Variants in LASP1 observed in about 807,000 individuals in gnomAD.
LASP1 encodes LIM and SH3 domain protein 1.
LASP1 carries 10 observed loss-of-function variants against 38.6 expected under a neutral mutation model. The observed-to-expected ratio is 0.26, with a 90% CI of 0.16 to 0.44. The LOEUF is 0.44. LASP1 is among the 20% of genes least tolerant of loss of function. LASP1 has a pLI of 1.00. For synonymous variants in LASP1, 132 were observed against 140.8 expected, an observed-to-expected ratio of 0.94 and a Z score of 0.44; for missense variants, 243 against 375.7, an observed-to-expected ratio of 0.65 and a Z score of 2.92.
Position 38,898,415 on chromosome 17 carries a change from C to T in LASP1, c.253C>T (p.Arg85Cys), listed in dbSNP as rs950459854. Residue 85 changes from arginine to cysteine, a missense_variant, in exon 4 of 7, where the codon CGC becomes TGC. Arg to Cys is a radical substitution (Grantham distance 180). Transcript: ENST00000318008. ...KQQSELQSQV[R>C]YKEEFEKNKG... ...CCCTCTTCCTCCCCTCCTGCAGGTG[C>T]GCTACAAGGAGGAGTTTGAGAAGAA... 3 of 1,544,982 alleles carry T rather than the reference C, an allele frequency of 1.9e-6. No individual in the cohort carries two copies. Among genetic ancestry groups the T allele is most frequent in the Non-Finnish European group, 1.8e-6 (2 of 1,141,724 alleles).
In LASP1 at chr17:38,888,950, C is replaced by T. The variant is rs1026742818; in HGVS notation, c.165-1470C>T. Among the ~76,000 whole-genome samples, 20 of 152,248 alleles carry T rather than the reference C, an allele frequency of 1.3e-4. 1 individual carries two copies. Among genetic ancestry groups the T allele is most frequent in the Admixed American group, 6.5e-4 (10 of 15,296 alleles). On this transcript the variant is annotated intron_variant, in intron 2 of 6. Coordinates refer to ENST00000318008, the MANE Select transcript of LASP1 (RefSeq NM_006148.4). The stretch of plus-strand genomic sequence containing the variant: ...GCATGAACTGAAGAAATCGTCTGGG[C>T]GCAAATCTGGATCCCTGTGTGTCTT...
At chr17:38,901,971 G>A (rs1914652720) in intron 4 of LASP1, among the ~76,000 whole-genome samples, 1 of 152,076 alleles carries the variant, frequency 6.6e-6, no homozygotes, top group African/African-American at 2.4e-5. Flanking sequence ...GTTTCGCCGT[G>A]TTAGCCAGGA....
intron 4 of LASP1, among the ~76,000 whole-genome samples, chr17:38,910,833 G>C (rs995193566): frequency 6.6e-6 from 1 of 150,848 alleles, no homozygotes; most frequent in East Asian, 1.9e-4. Flanking sequence ...AGCAATTCTC[G>C]TGCCTCAGCC....
At chr17:38,901,030 A>C (rs1164943981) in intron 4 of LASP1, among the ~76,000 whole-genome samples, 1 of 152,196 alleles carries the variant, frequency 6.6e-6, no homozygotes, top group African/African-American at 2.4e-5. Context: ...ACAGAACTGG[A>C]ATGTCGGCTC....
chr17:38,879,775 C>G (rs16968472), intron 2 of LASP1, among the ~76,000 whole-genome samples: 7,664 of 152,080 alleles, frequency 0.05, 258 homozygotes, highest in East Asian at 0.14. Context: ...GCTCATTCAG[C>G]AGACATTTAT....
chr17:38,877,700 T>C (rs1406816126), intron 1 of LASP1, among the ~76,000 whole-genome samples: 1 of 152,082 alleles, frequency 6.6e-6, no homozygotes, highest in Non-Finnish European at 1.5e-5. Context: ...CAGCGGCTGC[T>C]CCCTAGCAAC....
At chr17:38,900,197 CAA>C (rs56008544) in intron 4 of LASP1, among the ~76,000 whole-genome samples, 12,390 of 67,354 alleles carry the variant, frequency 0.18, 351 homozygotes, top group Non-Finnish European at 0.23. Context: ...ACTGTTTCTA[CAA>C]AAAAAAAAAA....
intron 4 of LASP1, among the ~76,000 whole-genome samples, chr17:38,912,209 T>C (rs879305800): frequency 6.6e-6 from 1 of 152,268 alleles, no homozygotes; most frequent in Non-Finnish European, 1.5e-5. Context: ...ACTTTTCCCC[T>C]GTCCCATATG....
Position 38,890,544 on chromosome 17 carries a change from T to C in LASP1, c.249+40T>C, listed in dbSNP as rs751684894. 4.4e-6 allele frequency: 7 copies of C among 1,576,734 alleles called. No individual in the cohort carries two copies. The Admixed American group carries it at 1.2e-4, about 26-fold the overall frequency. On this transcript the variant is annotated intron_variant, in intron 3 of 6. Coordinates refer to ENST00000318008, the MANE Select transcript of LASP1 (RefSeq NM_006148.4). ...GGTGCTGGGGCCTGGCAGGGAGGGA[T>C]GCTGGGGAGGGAAGTTGTAAGGTCG...
intron 1 of LASP1, among the ~76,000 whole-genome samples, chr17:38,871,834 C>T (rs1327051481): frequency 6.6e-6 from 1 of 152,062 alleles, no homozygotes; most frequent in Non-Finnish European, 1.5e-5. Flanking sequence ...TTGTTGATCT[C>T]CCCATGACCA....
At chr17:38,894,213 G>A (rs944933675) in intron 3 of LASP1, among the ~76,000 whole-genome samples, 4 of 152,142 alleles carry the variant, frequency 2.6e-5, no homozygotes, top group African/African-American at 9.7e-5. Flanking sequence ...TGGCTTTGGG[G>A]TGGGACTGAG....
chr17:38,873,186 C>A (rs1352094668), intron 1 of LASP1, among the ~76,000 whole-genome samples: 1 of 152,106 alleles, frequency 6.6e-6, no homozygotes, highest in Non-Finnish European at 1.5e-5. Flanking sequence ...CCTGGAATCC[C>A]CTGTTAGGGT....
rs1026980970 is a variant in LASP1, at chr17:38,870,104, C to G, written c.-86C>G. 3 of 1,482,220 alleles carry G rather than the reference C, an allele frequency of 2.0e-6. No individual in the cohort carries two copies. The highest frequency in any genetic ancestry group is 2.8e-6 in the Non-Finnish European group (3 of 1,075,582). The allele number at this position is 1,482,220 out of a possible 1,614,324, so 91.8% of individuals were successfully genotyped here. On this transcript the variant is annotated 5_prime_UTR_variant, in exon 1 of 7. Coordinates refer to ENST00000318008, the MANE Select transcript of LASP1 (RefSeq NM_006148.4). ...GCCGTCGCTGCTGCCTGTGTAGTTG[C>G]AGCCGCGGCCGCCTCCCGCCAGCTC...
chr17:38,878,004 C>T, intron 1 of LASP1, 82 bp from the exon 2 acceptor site: 1 of 1,003,088 alleles, frequency 1.0e-6, no homozygotes, highest in Non-Finnish European at 1.6e-6. Context: ...CCCAGCAGCT[C>T]CTGAGTGCCC....
chr17:38,883,590 C>G (rs1014915029), intron 2 of LASP1, among the ~76,000 whole-genome samples: 1 of 152,126 alleles, frequency 6.6e-6, no homozygotes, highest in African/African-American at 2.4e-5. Context: ...CACTTACCCC[C>G]AAATCCCTGT....
chr17:38,920,128 A>G lies in LASP1; in HGVS notation c.*1350A>G. ...TGCAGTGTGCAGGGTGGAAGGTAAG[A>G]GGTTGGTGTGGAGTTGGGGCTGCCA... On this transcript the variant is annotated 3_prime_UTR_variant, in exon 7 of 7. Transcript: ENST00000318008. 1.7e-5 allele frequency: 9 copies of G among 536,412 alleles called. No individual in the cohort carries two copies. The highest frequency in any genetic ancestry group is 1.4e-4 in the South Asian group (9 of 65,248). The allele number at this position is 536,412 out of a possible 1,614,324, so 33.2% of individuals were successfully genotyped here.
intron 2 of LASP1, among the ~76,000 whole-genome samples, chr17:38,884,136 G>A (rs777428837): frequency 3.9e-4 from 60 of 151,970 alleles, no homozygotes; most frequent in Non-Finnish European, 7.9e-4. Flanking sequence ...AGCCTGGAAC[G>A]GGCGAGGCTC....
chr17:38,895,804 G>C (rs1914471151), intron 3 of LASP1, among the ~76,000 whole-genome samples: 1 of 152,190 alleles, frequency 6.6e-6, no homozygotes, highest in Non-Finnish European at 1.5e-5. Context: ...GAACAACTAA[G>C]AACTGACAGA....
At chr17:38,877,547 C>T (rs1324819398) in intron 1 of LASP1, among the ~76,000 whole-genome samples, 2 of 152,150 alleles carry the variant, frequency 1.3e-5, no homozygotes, top group Non-Finnish European at 2.9e-5. Context: ...TGTAGCACCA[C>T]CTGGGGCTCA....
Sources: allele counts gnomAD v4.1 joint callset (sites outside exome capture counted in the v4.1 genomes callset), GRCh38; gene constraint gnomAD v4.1.1; transcripts MANE v1.5; gene names NCBI Gene and HGNC (gene_info 2026-07-23, HGNC 2026-07-21).